The following EXTL3 variants were observed in gnomAD, a reference collection of about 807,000 sequenced individuals.
The protein encoded by EXTL3 is exostosin-like 3.
In EXTL3, 27 loss-of-function variants were observed where a neutral mutation model predicts 69.3. The ratio of observed to expected loss-of-function variants is 0.39; its 90% CI spans 0.29 to 0.54. EXTL3 has a LOEUF of 0.54. Among genes scored for constraint, EXTL3 ranks in the 20% least tolerant of loss-of-function variants. The pLI is 0.69. For missense variants in EXTL3, 1,003 were observed against 1,231.8 expected (o/e 0.81, Z 2.78); for synonymous variants, 511 against 499.4 (o/e 1.02, Z -0.31).
In EXTL3 at chr8:28,750,168, T is replaced by C. The variant is rs995197337; in HGVS notation, c.2551-489T>C. Among the ~76,000 whole-genome samples the C allele has an allele frequency of 1.3e-5, 2 of 152,266 alleles. No individual in the cohort carries two copies. The highest frequency in any genetic ancestry group is 2.4e-5 in the African/African-American group (1 of 41,474). ...ATAATAATATGACTAGACTGTAGTA[T>C]GGCCACTTTCCCATGGCTTTAAATG... On this transcript the variant is annotated intron_variant, in intron 6 of 6. Coordinates refer to ENST00000220562, the MANE Select transcript of EXTL3 (RefSeq NM_001440.4). The surrounding 1 kb of genome is among the most constrained non-coding windows in gnomAD (Gnocchi z 5.2).
intron 1 of EXTL3, among the ~76,000 whole-genome samples, chr8:28,683,776 C>T (rs1807530442): frequency 6.6e-6 from 1 of 151,974 alleles, no homozygotes; most frequent in Admixed American, 6.6e-5. Flanking sequence ...CCCCACTGCA[C>T]TCCAGCCTGG....
intron 3 of EXTL3, 88 bp downstream of exon 3, chr8:28,718,295 G>GT: frequency 1.5e-6 from 2 of 1,308,130 alleles, no homozygotes; most frequent in Non-Finnish European, 2.2e-6. Flanking sequence ...TTTAGCAATC[G>GT]TAACTTCTAG....
upstream of EXTL3, among the ~76,000 whole-genome samples, chr8:28,619,324 G>T (rs1806375681): frequency 2.6e-5 from 3 of 116,508 alleles, no homozygotes; most frequent in Admixed American, 9.5e-5. Flanking sequence ...AACCCTGTGT[G>T]AGCCCTGGAC....
intron 1 of EXTL3, among the ~76,000 whole-genome samples, chr8:28,661,021 C>T (rs140834714): frequency 0.043 from 6,445 of 150,056 alleles, 207 homozygotes; most frequent in Non-Finnish European, 0.066. Flanking sequence ...TCACGCTATT[C>T]TTCTGCCTCA....
intron 2 of EXTL3, among the ~76,000 whole-genome samples, chr8:28,608,016 A>G (rs982583698): frequency 4.0e-5 from 6 of 151,792 alleles, no homozygotes; most frequent in African/African-American, 1.5e-4. Context: ...AGGCTGAGGC[A>G]GGAGAATGGT....
At chr8:28,719,751 AT>A (rs1353589777) in intron 3 of EXTL3, among the ~76,000 whole-genome samples, 1 of 152,206 alleles carries the variant, frequency 6.6e-6, no homozygotes, top group Non-Finnish European at 1.5e-5. Flanking sequence ...TGAAAGATAG[AT>A]GCTCCTCAAA....
At chr8:28,671,302 G>GTTTTTTTT (rs1198284012) in intron 1 of EXTL3, among the ~76,000 whole-genome samples, 1 of 100,938 alleles carries the variant, frequency 9.9e-6, no homozygotes, top group African/African-American at 4.0e-5. Context: ...TTTATGTTTT[G>GTTTTTTTT]TTTTTTGTTT....
At chr8:28,681,269 CTT>C (rs1050755033) in intron 1 of EXTL3, among the ~76,000 whole-genome samples, 2 of 151,786 alleles carry the variant, frequency 1.3e-5, no homozygotes. Context: ...AATCCCAGCA[CTT>C]TGGGCGGCTG....
At chr8:28,730,871 T>C (rs1349294706) in intron 3 of EXTL3, among the ~76,000 whole-genome samples, 2 of 152,190 alleles carry the variant, frequency 1.3e-5, no homozygotes, top group Non-Finnish European at 2.9e-5. Context: ...GGGAATTCCA[T>C]AGCCATTGGA....
At chr8:28,727,516 C>G (rs533733133) in intron 3 of EXTL3, among the ~76,000 whole-genome samples, 78 of 152,274 alleles carry the variant, frequency 5.1e-4, no homozygotes, top group Non-Finnish European at 9.7e-4. Context: ...TGGATATGAT[C>G]TAGATATCAA....
chr8:28,646,369 T>A (rs1806830497), intron 1 of EXTL3, among the ~76,000 whole-genome samples: 1 of 152,246 alleles, frequency 6.6e-6, no homozygotes, highest in Admixed American at 6.5e-5. Flanking sequence ...ATAGCTATGT[T>A]AAGTTAGAGC....
At chr8:28,689,289 A>T (rs1011334927) in intron 1 of EXTL3, among the ~76,000 whole-genome samples, 1 of 152,170 alleles carries the variant, frequency 6.6e-6, no homozygotes, top group African/African-American at 2.4e-5. Context: ...TTCCGACAAT[A>T]GATATCTCTA....
At position 28,716,118 on chromosome 8, in the gene EXTL3, T is replaced by A; in HGVS notation, c.59T>A (p.Met20Lys). 6.2e-7 allele frequency: 1 copy of A among 1,613,668 alleles called. No individual in the cohort carries two copies. Among genetic ancestry groups the A allele is most frequent in the Non-Finnish European group, 8.5e-7 (1 of 1,180,044 alleles). ...GCGGGGAACGGAGGTCAGACCTGCA[T>A]GCTGCGCTGGTCCAACCGCATCCGC... ...GGAGNGGQTC[M>K]LRWSNRIRLT... is the part of the protein sequence containing the mutation. Residue 20 changes from methionine (M) to lysine (K), a missense_variant, in exon 3 of 7, where the codon ATG becomes AAG. By Grantham distance (95) the Met-to-Lys change is moderately conservative. Around this residue, in one of 2 missense-constraint regions of EXTL3, gnomAD observed 742 missense variants for 815.4 expected, o/e 0.91. Transcript: ENST00000220562. The surrounding 1 kb of genome is among the most constrained non-coding windows in gnomAD (Gnocchi z 7.1).
At chr8:28,723,524 T>TA (rs1801342323) in intron 3 of EXTL3, among the ~76,000 whole-genome samples, 1 of 152,226 alleles carries the variant, frequency 6.6e-6, no homozygotes, top group African/African-American at 2.4e-5. Context: ...CTTCCCCTCT[T>TA]AGTGTATGTG....
At chr8:28,647,955 T>TG (rs1298937005) in intron 1 of EXTL3, among the ~76,000 whole-genome samples, 2 of 2,140 alleles carry the variant, frequency 9.3e-4, no homozygotes, top group Non-Finnish European at 1.8e-3. Context: ...CTAGATGGGT[T>TG]GGGGGTGGGT....
At chr8:28,621,444 C>T (rs1399152933), upstream of EXTL3, among the ~76,000 whole-genome samples, 4 of 152,180 alleles carry the variant, frequency 2.6e-5, no homozygotes, top group Non-Finnish European at 2.9e-5. Context: ...AGGCTTCCAG[C>T]GTCCAGGACT....
chr8:28,695,949 G>A (rs240935), intron 1 of EXTL3, among the ~76,000 whole-genome samples: 34,974 of 151,918 alleles, frequency 0.23, 4,347 homozygotes, highest in Middle Eastern at 0.33. Flanking sequence ...ACATGGTCTC[G>A]CTTTGTCACT....
At chr8:28,693,574 TTTC>T (rs1800647892) in intron 1 of EXTL3, among the ~76,000 whole-genome samples, 1 of 152,188 alleles carries the variant, frequency 6.6e-6, no homozygotes, top group Admixed American at 6.5e-5. Flanking sequence ...TAACAAATAG[TTTC>T]TTAACAATAA....
chr8:28,743,274 A>G, intron 6 of EXTL3, 60 bp downstream of exon 6: 1 of 1,600,064 alleles, frequency 6.2e-7, no homozygotes. Flanking sequence ...CTTGTTTTGC[A>G]GTAGTGCAGC....
Sources: gnomAD v4.1 joint callset for allele counts (sites outside exome capture counted in the v4.1 genomes callset) on GRCh38, gnomAD v4.1.1 for gene constraint, gnomAD v4.1.1 regional missense constraint, Gnocchi (gnomAD v3.1) non-coding constraint, MANE v1.5 for transcripts, NCBI Gene and HGNC (gene_info 2026-07-23, HGNC 2026-07-21) for gene names.